Variants in PRKCA observed in about 807,000 individuals in gnomAD.
The protein encoded by PRKCA is protein kinase C alpha type.
A neutral mutation model predicts 87.0 loss-of-function variants in PRKCA; 27 were observed. That is an observed-to-expected ratio of 0.31 (90% CI 0.23 to 0.43). The LOEUF is 0.43. Ranked by LOEUF, PRKCA falls within the 20% of genes least tolerant of loss-of-function variation. The pLI is 1.00. For missense variants in PRKCA, 518 were observed against 852.3 expected (o/e 0.61, Z 4.88); for synonymous variants, 329 against 311.1 (o/e 1.06, Z -0.61).
intron 5 of PRKCA, among the ~76,000 whole-genome samples, chr17:66,678,901 A>G (rs138496750): frequency 1.3e-5 from 2 of 152,228 alleles, no homozygotes; most frequent in Non-Finnish European, 2.9e-5. Flanking sequence ...TTTTCCCTCT[A>G]TGCTTTCCAT....
At chr17:66,628,315 A>G (rs1021301538) in intron 3 of PRKCA, among the ~76,000 whole-genome samples, 8 of 152,232 alleles carry the variant, frequency 5.3e-5, no homozygotes, top group Admixed American at 5.2e-4. Context: ...TATTCATAAC[A>G]GTGAAAAACA....
intron 3 of PRKCA, among the ~76,000 whole-genome samples, chr17:66,618,706 A>G (rs1278512424): frequency 6.6e-6 from 1 of 152,224 alleles, no homozygotes; most frequent in East Asian, 1.9e-4. Context: ...GTGTGACTCA[A>G]GCGATTTCGT....
chr17:66,404,202 A>G (rs1911211105), intron 2 of PRKCA: 1 of 152,252 alleles, frequency 6.6e-6, no homozygotes, highest in African/African-American at 2.4e-5. Context: ...ATTAATTTGC[A>G]TGACAGTATC....
intron 3 of PRKCA, among the ~76,000 whole-genome samples, chr17:66,550,481 T>A (rs1171116550): frequency 6.6e-6 from 1 of 152,094 alleles, no homozygotes; most frequent in Non-Finnish European, 1.5e-5. Context: ...TGAAACCATG[T>A]CTACTAAAAA....
intron 8 of PRKCA, among the ~76,000 whole-genome samples, chr17:66,694,790 A>G (rs1972876224): frequency 7.0e-6 from 1 of 142,500 alleles, no homozygotes; most frequent in African/African-American, 2.6e-5. Flanking sequence ...AAAAAAAAAA[A>G]AGGTATCTTC....
At chr17:66,728,461 A>G (rs1973808426) in intron 8 of PRKCA, among the ~76,000 whole-genome samples, 1 of 152,146 alleles carries the variant, frequency 6.6e-6, no homozygotes, top group Non-Finnish European at 1.5e-5. Context: ...GCCCAGCTCC[A>G]CCTTGTGCGA....
At chr17:66,324,231 CTT>C (rs1567771969) in intron 2 of PRKCA, among the ~76,000 whole-genome samples, 1 of 151,764 alleles carries the variant, frequency 6.6e-6, no homozygotes, top group Admixed American at 6.6e-5. Context: ...AAATTAGCCT[CTT>C]TACTCTTATC....
intron 3 of PRKCA, among the ~76,000 whole-genome samples, chr17:66,500,960 A>AT (rs146409659): frequency 0.061 from 9,208 of 151,086 alleles, 915 homozygotes; most frequent in African/African-American, 0.21. Context: ...TTAAATTAGG[A>AT]TTTTTTTTTT....
chr17:66,506,870 C>T (rs1402815416), intron 3 of PRKCA, among the ~76,000 whole-genome samples: 2 of 152,198 alleles, frequency 1.3e-5, no homozygotes, highest in African/African-American at 4.8e-5. Context: ...TGATACTAGA[C>T]ATTTCGTGAT....
chr17:66,725,719 C>T (rs887667693), intron 8 of PRKCA, among the ~76,000 whole-genome samples: 12 of 150,648 alleles, frequency 8.0e-5, no homozygotes, highest in African/African-American at 1.5e-4. Context: ...CTGAGATGGG[C>T]GGATCACTTG....
At position 66,763,639 on chromosome 17, in the gene PRKCA, C is replaced by G. The variant is rs560845668; in HGVS notation, c.1525-10348C>G. Among the ~76,000 whole-genome samples, 6 of 152,232 alleles carry G rather than the reference C, an allele frequency of 3.9e-5. No individual in the cohort carries two copies. The South Asian group carries it at 1.2e-3, about 32-fold the overall frequency. On this transcript the variant is annotated intron_variant, in intron 13 of 16. Transcript: ENST00000413366. ...AAGGATATTCTTTGTTTCCCTGAAA[C>G]AGTAAAAGGACTTGAGTGTGTTTTA... is the stretch of plus-strand genomic sequence containing the variant.
intron 5 of PRKCA, among the ~76,000 whole-genome samples, chr17:66,662,273 C>G (rs749252387): frequency 3.3e-5 from 5 of 152,194 alleles, no homozygotes; most frequent in Non-Finnish European, 5.9e-5. Context: ...CACATGCCCA[C>G]CTTGTAAGTC....
chr17:66,486,439 G>T (rs1057511158), intron 2 of PRKCA, among the ~76,000 whole-genome samples: 2 of 152,114 alleles, frequency 1.3e-5, no homozygotes, highest in African/African-American at 4.8e-5. Flanking sequence ...GGCGAGTAAT[G>T]ACCACATCCC....
chr17:66,699,318 A>G (rs1182744538), intron 8 of PRKCA, among the ~76,000 whole-genome samples: 1 of 152,162 alleles, frequency 6.6e-6, no homozygotes, highest in East Asian at 1.9e-4. Context: ...AGAGAAGACC[A>G]ATGAATAAAA....
At chr17:66,419,741 A>G (rs16959233) in intron 2 of PRKCA, among the ~76,000 whole-genome samples, 4,257 of 152,236 alleles carry the variant, frequency 0.028, 213 homozygotes, top group African/African-American at 0.097. Flanking sequence ...CTGAATCATC[A>G]GATTATATTA....
chr17:66,479,887 G>A (rs1442247696), intron 2 of PRKCA, among the ~76,000 whole-genome samples: 1 of 151,700 alleles, frequency 6.6e-6, no homozygotes, highest in Non-Finnish European at 1.5e-5. Flanking sequence ...AGAGGATCAG[G>A]AAAAATAACT....
intron 3 of PRKCA, among the ~76,000 whole-genome samples, chr17:66,637,637 A>T (rs1333359281): frequency 1.3e-5 from 2 of 151,926 alleles, no homozygotes; most frequent in Non-Finnish European, 2.9e-5. Flanking sequence ...CGAGGATATC[A>T]TTAATCATCT....
At chr17:66,550,478 A>G (rs1968291638) in intron 3 of PRKCA, among the ~76,000 whole-genome samples, 2 of 152,108 alleles carry the variant, frequency 1.3e-5, no homozygotes, top group South Asian at 4.1e-4. Flanking sequence ...TAGTGAAACC[A>G]TGTCTACTAA....
chr17:66,558,183 A>G (rs1276334383), intron 3 of PRKCA, among the ~76,000 whole-genome samples: 5 of 152,368 alleles, frequency 3.3e-5, no homozygotes, highest in Non-Finnish European at 7.3e-5. Context: ...TTGGTGGCTT[A>G]TCCATGCACC....
Sources: gnomAD v4.1 joint callset for allele counts (sites outside exome capture counted in the v4.1 genomes callset) on GRCh38, gnomAD v4.1.1 for gene constraint, MANE v1.5 for transcripts, NCBI Gene and HGNC (gene_info 2026-07-23, HGNC 2026-07-21) for gene names.